The following COPG1 variants were observed in gnomAD, a reference collection of about 807,000 sequenced individuals.
COPG1 encodes coat protein complex I subunit gamma 1.
COPG1 carries 29 observed loss-of-function variants against 102.8 expected under a neutral mutation model. The ratio of observed to expected loss-of-function variants is 0.28; its 90% confidence interval spans 0.21 to 0.38. COPG1 has a LOEUF of 0.38. COPG1 is among the 10% of genes least tolerant of loss of function. The pLI, the probability that COPG1 is intolerant of heterozygous loss-of-function variation, is 1.00. For missense variants in COPG1, 875 were observed against 1,132.7 expected (o/e 0.77, Z 3.27); for synonymous variants, 406 against 421.6 (o/e 0.96, Z 0.45).
chr3:129,260,225 G>A, intron 10 of COPG1, 108 bp from the exon 11 acceptor site: 3 of 996,508 alleles, frequency 3.0e-6, no homozygotes, highest in Non-Finnish European at 4.6e-6. Flanking sequence ...GGGGGTGTCA[G>A]CAGGGAAATG....
At chr3:129,259,410 G>A (rs1296499377) in intron 10 of COPG1, among the ~76,000 whole-genome samples, 2 of 148,406 alleles carry the variant, frequency 1.3e-5, no homozygotes, top group Admixed American at 6.7e-5. Context: ...GCAGTGAGCC[G>A]AGATCGCGCC....
In COPG1 at chr3:129,252,631, C is replaced by T. The variant is rs764553632; in HGVS notation, c.180C>T (p.His60=). The T allele has an allele frequency of 1.9e-6, 3 of 1,613,948 alleles. No homozygotes were observed. Among genetic ancestry groups the T allele is most frequent in the East Asian group, 4.5e-5 (2 of 44,888 alleles). ...KILYLINQGE[H]LGTTEATEAF... is the part of the protein sequence containing the mutation. ...TTTCTTGATTAACACAGGGGGAGCA[C>T]CTGGGGACCACGGAAGCGACCGAGG... is the stretch of plus-strand genomic sequence containing the variant. Residue 60 remains histidine (H), a synonymous_variant, in exon 4 of 24, where the codon CAC becomes CAT. Coordinates refer to ENST00000314797, the MANE Select transcript of COPG1 (RefSeq NM_016128.4).
At chr3:129,250,850 C>A in intron 2 of COPG1, 116 bp downstream of exon 2, 2 of 870,730 alleles carry the variant, frequency 2.3e-6, no homozygotes, top group East Asian at 3.0e-5. Flanking sequence ...AAAACTTGTG[C>A]CTGGAAGTTT....
intron 12 of COPG1, 143 bp downstream of exon 12, chr3:129,260,950 C>A: frequency 1.3e-6 from 1 of 792,410 alleles, no homozygotes; most frequent in Non-Finnish European, 2.0e-6. Flanking sequence ...GTTTGCTCTG[C>A]AGAGACTTGG....
intron 8 of COPG1, among the ~76,000 whole-genome samples, chr3:129,256,893 G>A (rs1223885338): frequency 1.3e-5 from 2 of 152,248 alleles, no homozygotes; most frequent in African/African-American, 4.8e-5. Flanking sequence ...ACAAAAGAGA[G>A]TATCGAGGAC....
At position 129,275,880 on chromosome 3, in the gene COPG1, C is replaced by T. The variant is rs777175115; in HGVS notation, c.2494+588C>T. The stretch of plus-strand genomic sequence containing the variant: ...TGCTTAGTATTCCATTGTGTGGATG[C>T]ACCACATATTCTATGGAACAGCCAC... On this transcript the variant is annotated intron_variant, in intron 23 of 23. Coordinates refer to ENST00000314797, the MANE Select transcript of COPG1 (RefSeq NM_016128.4). This position sits in a 1 kb window ranked among gnomAD's most constrained non-coding sequence, Gnocchi z 5.0. Among the ~76,000 whole-genome samples, 3 of 152,228 alleles carry T rather than the reference C, an allele frequency of 2.0e-5. No homozygotes were observed. The East Asian group carries it at 5.8e-4, about 29-fold the overall frequency.
At chr3:129,253,272 G>T (rs532407693) in intron 5 of COPG1, among the ~76,000 whole-genome samples, 1 of 152,300 alleles carries the variant, frequency 6.6e-6, no homozygotes, top group African/African-American at 2.4e-5. Flanking sequence ...AGTACAAGCG[G>T]TATACTGCTT....
intron 5 of COPG1, chr3:129,254,249 G>A (rs566852432): frequency 5.0e-4 from 78 of 156,944 alleles, no homozygotes; most frequent in Non-Finnish European, 1.3e-4. Context: ...AGCCAAGATC[G>A]CACCCCATTG....
chr3:129,277,603 T>A lies in COPG1; in HGVS notation c.*179T>A. 4 of 294,018 alleles carry A rather than the reference T, an allele frequency of 1.4e-5. No individual in the cohort carries two copies. Among genetic ancestry groups the A allele is most frequent in the Non-Finnish European group, 2.4e-5 (4 of 168,876 alleles). The allele number at this position is 294,018 out of a possible 1,614,324, so 18.2% of individuals were successfully genotyped here. A position where few individuals can be genotyped will look rare whatever the true frequency, so the allele number is the denominator to read the frequency against. On this transcript the variant is annotated 3_prime_UTR_variant, in exon 24 of 24. Coordinates refer to ENST00000314797, the MANE Select transcript of COPG1 (RefSeq NM_016128.4). ...CACCCGGGACTACTTGCTGGTGACT[T>A]TTTTTTTTTTTTTTTTTAAATAGGG...
At position 129,257,701 on chromosome 3, in the gene COPG1, T is replaced by C. The variant is rs1352501198; in HGVS notation, c.738-26T>C. On this transcript the variant is annotated intron_variant, in intron 9 of 23. Transcript: ENST00000314797. The stretch of plus-strand genomic sequence containing the variant: ...CCATGCTGGGCCACCCCCAACGTTT[T>C]CTTGCCACCCTATGTTCTTTTGTAG... The C allele has an allele frequency of 1.9e-6, 3 of 1,613,106 alleles. No individual in the cohort carries two copies. In the African/African-American group the frequency reaches 4.0e-5, roughly 22 times the overall value.
chr3:129,249,818 C>T, intron 1 of COPG1, 72 bp downstream of exon 1: 1 of 1,500,802 alleles, frequency 6.7e-7, no homozygotes, highest in Non-Finnish European at 9.0e-7. Context: ...GGTTCTCTGT[C>T]CTGACCCGGA....
chr3:129,263,282 T>C (rs1025651920), intron 12 of COPG1, among the ~76,000 whole-genome samples: 2 of 151,872 alleles, frequency 1.3e-5, no homozygotes, highest in Non-Finnish European at 2.9e-5. Context: ...GAGGAAAAGA[T>C]GGGGTATTGG....
intron 5 of COPG1, among the ~76,000 whole-genome samples, chr3:129,253,873 A>G (rs1217375698): frequency 6.6e-6 from 1 of 151,852 alleles, no homozygotes; most frequent in African/African-American, 2.4e-5. Context: ...GGTGGCGCAC[A>G]CCTATAATCC....
At position 129,277,571 on chromosome 3, in the gene COPG1, C is replaced by A; in HGVS notation, c.*147C>A. ...TGCAGATTTTTTTTTATTCTGCTCC[C>A]ACCTCCCACCCGGGACTACTTGCTG... On this transcript the variant is annotated 3_prime_UTR_variant, in exon 24 of 24. Coordinates refer to ENST00000314797, the MANE Select transcript of COPG1 (RefSeq NM_016128.4). The A allele has an allele frequency of 1.3e-6, 1 of 776,144 alleles. No individual in the cohort carries two copies. The highest frequency in any genetic ancestry group is 2.0e-6 in the Non-Finnish European group (1 of 507,128). The allele number at this position is 776,144 out of a possible 1,614,324, so 48.1% of individuals were successfully genotyped here. A position where few individuals can be genotyped will look rare whatever the true frequency, so the allele number is the denominator to read the frequency against.
Position 129,261,818 on chromosome 3 carries a change from C to G in COPG1, c.1128+1011C>G, listed in dbSNP as rs1021848860. Among the ~76,000 whole-genome samples, 24 of 152,216 alleles carry G rather than the reference C, an allele frequency of 1.6e-4. 1 individual carries two copies. Among genetic ancestry groups the G allele is most frequent in the Admixed American group, 1.6e-3 (24 of 15,274 alleles). ...CACCACAGTGAAGACACTCAACTAT[C>G]CATCTCCACAAGACTCTTGTTACCT... On this transcript the variant is annotated intron_variant, in intron 12 of 23. Transcript: ENST00000314797.
chr3:129,273,427 CAT>C (rs1233009318), intron 21 of COPG1, among the ~76,000 whole-genome samples: 22 of 152,212 alleles, frequency 1.4e-4, no homozygotes, highest in East Asian at 3.8e-4. Context: ...AACAGGAAAA[CAT>C]TACTCATAAT....
At chr3:129,263,246 G>C (rs1453850549) in intron 12 of COPG1, among the ~76,000 whole-genome samples, 2 of 152,132 alleles carry the variant, frequency 1.3e-5, no homozygotes, top group Non-Finnish European at 2.9e-5. Context: ...TGAGCTGACA[G>C]TGGTGCTCTT....
intron 21 of COPG1, 127 bp from the exon 22 acceptor site, chr3:129,274,711 T>A: frequency 9.1e-7 from 1 of 1,099,000 alleles, no homozygotes; most frequent in Non-Finnish European, 1.3e-6. Context: ...CCCCAGAGTC[T>A]AGCACAGTCC....
chr3:129,256,289 A>G, intron 8 of COPG1, 135 bp downstream of exon 8: 1 of 693,298 alleles, frequency 1.4e-6, no homozygotes, highest in Non-Finnish European at 2.4e-6. Flanking sequence ...TCGTCATTGG[A>G]TCATGGGAGG....
Sources: allele counts gnomAD v4.1 joint callset (sites outside exome capture counted in the v4.1 genomes callset), GRCh38; gene constraint gnomAD v4.1.1; non-coding constraint Gnocchi (gnomAD v3.1); transcripts MANE v1.5; gene names NCBI Gene and HGNC (gene_info 2026-07-23, HGNC 2026-07-21).